MSN: variants seen among roughly 807,000 people sequenced by gnomAD.
The protein encoded by MSN is epididymis luminal protein 70.
In MSN, 2 loss-of-function variants were observed where a neutral mutation model predicts 48.0. The observed-to-expected ratio is 0.04, with a 90% CI of 0.02 to 0.13. The LOEUF is 0.13. Ranked by LOEUF, MSN falls within the 10% of genes least tolerant of loss-of-function variation. The probability of loss-of-function intolerance (pLI) is 1.00; values close to 1 mark genes in which losing one functional copy is unlikely to be tolerated. For missense variants in MSN, 267 were observed against 470.1 expected (o/e 0.57, Z 3.99); for synonymous variants, 146 against 166.9 (o/e 0.87, Z 0.97).
intron 1 of MSN, chrX:65,600,719 G>C: frequency 1.8e-5 from 2 of 111,726 alleles, no homozygotes; most frequent in East Asian, 2.8e-4. Flanking sequence ...CAAAACTCTG[G>C]CCCATTAAGA....
At chrX:65,598,602 G>T (rs2070205772) in intron 1 of MSN, among the ~76,000 whole-genome samples, 1 of 111,620 alleles carries the variant, frequency 9.0e-6, no homozygotes, top group African/African-American at 3.3e-5. Context: ...GAGAGCAATT[G>T]AGCTTTGTTC....
chrX:65,704,042 C>G (rs1459963747), intron 1 of MSN, among the ~76,000 whole-genome samples: 1 of 112,110 alleles, frequency 8.9e-6, no homozygotes, highest in African/African-American at 3.2e-5. Flanking sequence ...TTGCTGGAGT[C>G]TGTTCCTAAG....
intron 2 of MSN, among the ~76,000 whole-genome samples, 162 bp from the exon 3 acceptor site, chrX:65,727,652 A>G (rs933236259): frequency 3.6e-5 from 4 of 112,063 alleles, no homozygotes; most frequent in African/African-American, 1.3e-4. Flanking sequence ...AGATGCCGAC[A>G]TCAGTTCTTG....
intron 6 of MSN, among the ~76,000 whole-genome samples, chrX:65,732,607 C>T (rs1340300484): frequency 9.0e-6 from 1 of 111,508 alleles, no homozygotes. Context: ...ACTTGGTGTG[C>T]TCTTGGTGAG....
chrX:65,723,586 G>A (rs2071538356), intron 2 of MSN, among the ~76,000 whole-genome samples: 1 of 111,984 alleles, frequency 8.9e-6, no homozygotes, highest in South Asian at 3.6e-4. Context: ...AGCCACAGAG[G>A]TTATTCCTGG....
intron 1 of MSN, among the ~76,000 whole-genome samples, chrX:65,616,664 T>A (rs1226151038): frequency 4.4e-4 from 41 of 92,960 alleles, no homozygotes; most frequent in African/African-American, 1.6e-3. Context: ...AGGGACAATT[T>A]GACTTCCTCT....
chrX:65,608,266 G>A (rs1211808965), intron 1 of MSN, among the ~76,000 whole-genome samples: 3 of 111,416 alleles, frequency 2.7e-5, no homozygotes, highest in African/African-American at 9.8e-5. Context: ...CCTGGGAGAG[G>A]AGGAGAAAGG....
At chrX:65,718,644 C>A (rs1385758819) in intron 2 of MSN, among the ~76,000 whole-genome samples, 1 of 109,355 alleles carries the variant, frequency 9.1e-6, no homozygotes, top group African/African-American at 3.4e-5. Context: ...ACAGCGAGAC[C>A]CTGTCTCTAC....
intron 2 of MSN, among the ~76,000 whole-genome samples, chrX:65,724,410 C>G (rs1256141662): frequency 1.8e-5 from 2 of 111,404 alleles, no homozygotes; most frequent in East Asian, 5.7e-4. Flanking sequence ...TCCCAAAGTG[C>G]TGGCATTATA....
chrX:65,682,289 C>A (rs1376667688), intron 1 of MSN, among the ~76,000 whole-genome samples: 1 of 112,175 alleles, frequency 8.9e-6, no homozygotes, highest in African/African-American at 3.2e-5. Flanking sequence ...GAAGAACCAT[C>A]TAAGCCAAAT....
At chrX:65,733,349 T>G (rs1009261113) in intron 7 of MSN, 69 bp downstream of exon 7, 1 of 843,032 alleles carries the variant, frequency 1.2e-6, no homozygotes, top group Non-Finnish European at 1.8e-6. Context: ...ATCATGCTAT[T>G]CTATTTTTCT....
rs1169768462 is a variant in MSN, at chrX:65,739,108, C to T, written c.1483C>T (p.Arg495Trp). The T allele has an allele frequency of 4.1e-6, 5 of 1,210,206 alleles. No individual in the cohort carries two copies. The highest frequency in any genetic ancestry group is 1.7e-5 in the African/African-American group (1 of 57,288). The change falls in exon 12 of 13, where the codon CGG becomes TGG. Residue 495 changes from arginine to tryptophan, a missense_variant. By Grantham distance (101) the Arg-to-Trp change is moderately radical (BLOSUM62 -3). Transcript: ENST00000360270. ...ENGAEASADLRADAMAKDRSE... is the reference protein window; with the variant it reads ...ENGAEASADLWADAMAKDRSE... ...TGGGGCAGAGGCTAGTGCTGACCTA[C>T]GGGCTGATGCTATGGCCAAGGACCG... is the stretch of plus-strand genomic sequence containing the variant.
intron 1 of MSN, among the ~76,000 whole-genome samples, chrX:65,595,344 G>A (rs183326955): frequency 4.0e-4 from 45 of 111,474 alleles, no homozygotes; most frequent in Non-Finnish European, 8.1e-4. Context: ...TACTCACTTC[G>A]CCCATGGCAG....
intron 1 of MSN, among the ~76,000 whole-genome samples, chrX:65,619,324 C>T (rs1202829262): frequency 9.9e-6 from 1 of 100,647 alleles, no homozygotes; most frequent in Non-Finnish European, 1.9e-5. Context: ...ATTCCATTCT[C>T]CACATCACTT....
intron 1 of MSN, among the ~76,000 whole-genome samples, chrX:65,687,914 G>C (rs1351391074): frequency 2.7e-5 from 3 of 112,015 alleles, no homozygotes; most frequent in African/African-American, 9.7e-5. Context: ...CTTGGGGCAA[G>C]TTCTTCTGGA....
At chrX:65,675,813 T>C (rs1309400850) in intron 1 of MSN, among the ~76,000 whole-genome samples, 1 of 110,547 alleles carries the variant, frequency 9.0e-6, no homozygotes, top group Non-Finnish European at 1.9e-5. Flanking sequence ...AATTTTTGTA[T>C]TTTTAGTAGA....
intron 1 of MSN, among the ~76,000 whole-genome samples, chrX:65,599,589 C>A (rs921754902): frequency 4.4e-5 from 5 of 112,630 alleles, no homozygotes; most frequent in Non-Finnish European, 9.4e-5. Context: ...GCCGAGATAG[C>A]GCCATGACAC....
Position 65,741,869 on chromosome X carries a change from T to C in MSN, c.*1976T>C, listed in dbSNP as rs2071741091. 1 of 161,817 alleles carries C rather than the reference T, an allele frequency of 6.2e-6. No homozygotes were observed. The highest frequency in any genetic ancestry group is 1.2e-5 in the Non-Finnish European group (1 of 82,714). The allele number at this position is 161,817 out of a possible 1,213,427, so 13.3% of individuals were successfully genotyped here. A position where few individuals can be genotyped will look rare whatever the true frequency, so the allele number is the denominator to read the frequency against. ...TTTTTGGGTTTTTTAAAAATTGTTTTTGGAGGGGTTTATGCTCAATCCATG... is the reference window on the plus strand; with the variant it reads ...TTTTTGGGTTTTTTAAAAATTGTTTCTGGAGGGGTTTATGCTCAATCCATG... On this transcript the variant is annotated 3_prime_UTR_variant, in exon 13 of 13. Transcript: ENST00000360270.
chrX:65,648,496 T>G (rs2070712434), intron 1 of MSN, among the ~76,000 whole-genome samples: 1 of 110,727 alleles, frequency 9.0e-6, no homozygotes, highest in African/African-American at 3.3e-5. Context: ...GAGGTTGCAG[T>G]GAGCCAAGAT....
Sources: gnomAD v4.1 joint callset for allele counts (sites outside exome capture counted in the v4.1 genomes callset) on GRCh38, gnomAD v4.1.1 for gene constraint, MANE v1.5 for transcripts, NCBI Gene and HGNC (gene_info 2026-07-23, HGNC 2026-07-21) for gene names.